RAB34: variants seen among roughly 807,000 people sequenced by gnomAD.
RAB34 encodes the protein ras-related protein Rab-34.
A neutral mutation model predicts 39.0 loss-of-function variants in RAB34; 33 were observed. The ratio of observed to expected loss-of-function variants is 0.85; its 90% confidence interval spans 0.64 to 1.13. The LOEUF (loss-of-function observed/expected upper bound fraction) is 1.13. RAB34 is among the 50% of genes most tolerant of loss of function. The pLI, the probability that RAB34 is intolerant of heterozygous loss-of-function variation, is 0.00. For synonymous variants in RAB34, 135 were observed against 125.1 expected (o/e 1.08, Z -0.53); for missense variants, 289 against 326.1 (o/e 0.89, Z 0.88).
At chr17:28,718,228 G>A (rs1338991822), upstream of RAB34, 2 of 1,585,576 alleles carry the variant, frequency 1.3e-6, no homozygotes, top group Admixed American at 3.6e-5. Context: ...AGGAGAGGCG[G>A]CGCTTCCCTC....
Position 28,715,249 on chromosome 17 carries a change from C to A in RAB34, c.459G>T (p.Glu153Asp). 6.2e-7 allele frequency: 1 copy of A among 1,613,710 alleles called. No homozygotes were observed. Among genetic ancestry groups the A allele is most frequent in the Non-Finnish European group, 8.5e-7 (1 of 1,179,932 alleles). ...TKQWLADALK[E>D]NDPSSVLLFL... ...AGAGAAGCACACTGGAAGGGTCATT[C>A]TCCTTCAGGGCATCGGCCAGCCACT... Residue 153 changes from glutamate to aspartate, a missense_variant, in exon 7 of 10, where the codon GAG becomes GAT. Glu to Asp is a conservative substitution (Grantham distance 45). Transcript: ENST00000395245.
upstream of RAB34, chr17:28,718,278 C>T (rs1597788236): frequency 6.5e-7 from 1 of 1,536,342 alleles, no homozygotes. Context: ...AGAGTCTGCC[C>T]CCTCTCGCCC....
chr17:28,717,085 C>T, intron 1 of RAB34, 91 bp from the exon 2 acceptor site: 1 of 1,561,884 alleles, frequency 6.4e-7, no homozygotes, highest in Non-Finnish European at 8.7e-7. Context: ...AGTGCAGGGA[C>T]CACCCAGAAG....
Position 28,714,366 on chromosome 17 carries a change from C to G in RAB34, c.*277G>C. 1 of 609,122 alleles carries G rather than the reference C, an allele frequency of 1.6e-6. No homozygotes were observed. Among genetic ancestry groups the G allele is most frequent in the Non-Finnish European group, 2.9e-6 (1 of 342,420 alleles). 37.7% of individuals were successfully genotyped at this position (609,122 alleles called of 1,614,324 possible). A position where few individuals can be genotyped will look rare whatever the true frequency, so the allele number is the denominator to read the frequency against. On this transcript the variant is annotated 3_prime_UTR_variant, in exon 10 of 10. Coordinates refer to ENST00000395245, the MANE Select transcript of RAB34 (RefSeq NM_031934.6). The stretch of plus-strand genomic sequence containing the variant: ...GCATCCTCAAACACAAAGGGCCCAG[C>G]AGGCTGAGCAAAAGAACAGAGACAC...
In RAB34 at chr17:28,717,736, GC is replaced by G. The variant is rs1310259212; in HGVS notation, c.-471del. 31 of 1,324,930 alleles carry G rather than the reference GC, an allele frequency of 2.3e-5. No homozygotes were observed. The allele number at this position is 1,324,930 out of a possible 1,614,324, so 82.1% of individuals were successfully genotyped here. ...CAGAGCGGCCCGGGGGCGCGGAGCG[GC>G]CCCGCCACACGGGGTCAGTGTGGGC... On this transcript the variant is annotated 5_prime_UTR_variant, in exon 1 of 10. Transcript: ENST00000395245.
chr17:28,716,718 T>G (rs1189931348), intron 2 of RAB34, 185 bp downstream of exon 2: 4 of 641,932 alleles, frequency 6.2e-6, no homozygotes, highest in Non-Finnish European at 9.9e-6. Flanking sequence ...CCCAACCCCA[T>G]CTCATAGAAC....
At chr17:28,717,131 T>G in intron 1 of RAB34, 82 bp downstream of exon 1, 2 of 1,533,520 alleles carry the variant, frequency 1.3e-6, no homozygotes, top group Non-Finnish European at 1.8e-6. Context: ...CTGGGCCCAG[T>G]CCTCTAACTG....
At chr17:28,715,345 C>G in intron 6 of RAB34, 69 bp from the exon 7 acceptor site, 4 of 1,581,172 alleles carry the variant, frequency 2.5e-6, no homozygotes, top group Non-Finnish European at 2.6e-6. Flanking sequence ...ATTCATAGGC[C>G]CAATTACCCC....
chr17:28,714,815 A>C lies in RAB34; in HGVS notation c.690T>G (p.Ala230=). 6.2e-7 allele frequency: 1 copy of C among 1,614,118 alleles called. No homozygotes were observed. The highest frequency in any genetic ancestry group is 2.2e-5 in the East Asian group (1 of 44,878). ...CACGGACAACATCCCCAATGCGTCG[A>C]GCCCCCGATTTCTCCAGCTCAGCCA... ...NVLAELEKSG[A]RRIGDVVRIN... is the part of the protein sequence containing the mutation. The change falls in exon 9 of 10, where the codon GCT becomes GCG. Residue 230 remains alanine, a synonymous_variant. Transcript: ENST00000395245.
intron 1 of RAB34, 45 bp from the exon 2 acceptor site, chr17:28,717,039 C>A (rs751139350): frequency 2.5e-6 from 4 of 1,601,528 alleles, no homozygotes; most frequent in Non-Finnish European, 3.4e-6. Flanking sequence ...TACTCCTGGC[C>A]CTTGTCCCGC....
Position 28,717,219 on chromosome 17 carries a change from C to A in RAB34, c.48G>T (p.Leu16=). 1 of 1,603,826 alleles carries A rather than the reference C, an allele frequency of 6.2e-7. No homozygotes were observed. Among genetic ancestry groups the A allele is most frequent in the Non-Finnish European group, 8.5e-7 (1 of 1,177,918 alleles). The part of the protein sequence containing the change: ...PVRRDRVLAE[L]PQCLRKEAAL... ...ACGTGGCCCCGGCGCCTACCTGGGGCAGCTCCGCCAGGACGCGATCCCTCC... is the reference window on the plus strand; with the variant it reads ...ACGTGGCCCCGGCGCCTACCTGGGGAAGCTCCGCCAGGACGCGATCCCTCC... The change falls in exon 1 of 10, where the codon CTG becomes CTT. Residue 16 remains leucine, a synonymous_variant. Coordinates refer to ENST00000395245, the MANE Select transcript of RAB34 (RefSeq NM_031934.6).
At position 28,716,020 on chromosome 17, in the gene RAB34, G is replaced by A. The variant is rs757773764; in HGVS notation, c.185C>T (p.Ser62Leu). 9.9e-6 allele frequency: 16 copies of A among 1,613,834 alleles called. No homozygotes were observed. The highest frequency in any genetic ancestry group is 4.0e-5 in the African/African-American group (3 of 74,862). ...ISKVIVVGDL[S>L]VGKTCLINRF... ...ATTAATGAGGCAAGTCTTCCCCACC[G>A]ACAGGTCCCCCACCACAATGACCTT... is the stretch of plus-strand genomic sequence containing the variant. Residue 62 changes from serine (S) to leucine (L), a missense_variant, in exon 3 of 10, where the codon TCG becomes TTG. By Grantham distance (145) the Ser-to-Leu change is moderately radical. Coordinates refer to ENST00000395245, the MANE Select transcript of RAB34 (RefSeq NM_031934.6).
intron 3 of RAB34, 41 bp from the exon 4 acceptor site, chr17:28,715,942 C>G: frequency 6.2e-7 from 1 of 1,613,200 alleles, no homozygotes; most frequent in Non-Finnish European, 8.5e-7. Context: ...GCCAGCCCAC[C>G]TGGCTAGGCT....
chr17:28,715,191 T>G lies in RAB34; in HGVS notation c.513+4A>C, dbSNP rs182135445. On this transcript the variant is annotated splice_donor_region_variant and intron_variant, in intron 7 of 9. Transcript: ENST00000395245. The stretch of plus-strand genomic sequence containing the variant: ...CTGGGAAGTCCCCCCACTGGCACAC[T>G]CACACTCAGATCCTTCTTGGAACCT... 3.7e-6 allele frequency: 6 copies of G among 1,613,932 alleles called. No individual in the cohort carries two copies. The highest frequency in any genetic ancestry group is 5.1e-6 in the Non-Finnish European group (6 of 1,179,906).
Position 28,714,297 on chromosome 17 carries a change from G to C in RAB34, c.*346C>G. On this transcript the variant is annotated 3_prime_UTR_variant, in exon 10 of 10. Coordinates refer to ENST00000395245, the MANE Select transcript of RAB34 (RefSeq NM_031934.6). ...CCAGCCCCAAAGTGCTCGTAACAAA[G>C]AAATTTTAATGCATAAGGCACAGTG... The C allele has an allele frequency of 1.8e-6, 1 of 545,004 alleles. No homozygotes were observed. The highest frequency in any genetic ancestry group is 3.3e-6 in the Non-Finnish European group (1 of 301,834). 33.8% of individuals were successfully genotyped at this position (545,004 alleles called of 1,614,324 possible).
chr17:28,714,475 G>A lies in RAB34; in HGVS notation c.*168C>T, dbSNP rs1182779229. On this transcript the variant is annotated 3_prime_UTR_variant, in exon 10 of 10. Coordinates refer to ENST00000395245, the MANE Select transcript of RAB34 (RefSeq NM_031934.6). ...TCTTTGGCACGGTGCCTGGGGGCAGGAAGTGACTAGCATGATCCCAGCTAC... is the reference window on the plus strand; with the variant it reads ...TCTTTGGCACGGTGCCTGGGGGCAGAAAGTGACTAGCATGATCCCAGCTAC... The A allele has an allele frequency of 1.4e-6, 2 of 1,477,114 alleles. No individual in the cohort carries two copies. The highest frequency in any genetic ancestry group is 2.8e-5 in the African/African-American group (2 of 72,194). The allele number at this position is 1,477,114 out of a possible 1,614,324, so 91.5% of individuals were successfully genotyped here. A position where few individuals can be genotyped will look rare whatever the true frequency, so the allele number is the denominator to read the frequency against.
upstream of RAB34, chr17:28,718,107 C>T (rs781485770): frequency 1.9e-5 from 30 of 1,606,380 alleles, 1 homozygote; most frequent in Non-Finnish European, 2.4e-5. Flanking sequence ...GCTGCGCCTT[C>T]ATGGGGACCC....
chr17:28,717,873 C>G (rs992023492), upstream of RAB34: 1,168 of 1,360,400 alleles, frequency 8.6e-4, 1 homozygote, highest in Middle Eastern at 1.6e-3. Flanking sequence ...CGCTGTAACA[C>G]GATCCCCGGA....
At position 28,715,871 on chromosome 17, in the gene RAB34, G is replaced by A. The variant is rs140954301; in HGVS notation, c.243C>T (p.Tyr81=). Residue 81 remains tyrosine (Y), a synonymous_variant, in exon 4 of 10, where the codon TAC becomes TAT. Coordinates refer to ENST00000395245, the MANE Select transcript of RAB34 (RefSeq NM_031934.6). The stretch of plus-strand genomic sequence containing the variant: ...CGAAGTCCACTCCAATGGTGGCCTT[G>A]TAATTCTTATCAAAGGTGTCTTTGC... The part of the protein sequence containing the change: ...RFCKDTFDKN[Y]KATIGVDFEM... 6.2e-7 allele frequency: 1 copy of A among 1,613,832 alleles called. No individual in the cohort carries two copies. Among genetic ancestry groups the A allele is most frequent in the African/African-American group, 1.3e-5 (1 of 74,912 alleles).
Sources: gnomAD v4.1 joint callset for allele counts on GRCh38, gnomAD v4.1.1 for gene constraint, MANE v1.5 for transcripts, NCBI Gene and HGNC (gene_info 2026-07-23, HGNC 2026-07-21) for gene names.